DLG2: variants seen among roughly 807,000 people sequenced by gnomAD.
DLG2 encodes the protein discs large MAGUK scaffold protein 2.
A neutral mutation model predicts 132.5 loss-of-function variants in DLG2; 45 were observed. That is an observed-to-expected ratio of 0.34 (90% confidence interval 0.27 to 0.44). DLG2 has a LOEUF of 0.44. DLG2 is among the 20% of genes least tolerant of loss of function. The probability of loss-of-function intolerance (pLI) is 1.00; values close to 1 mark genes in which losing one functional copy is unlikely to be tolerated. For synonymous variants in DLG2, 424 were observed against 419.6 expected (o/e 1.01, Z -0.13); for missense variants, 1,045 against 1,196.9 (o/e 0.87, Z 1.87).
At chr11:83,614,107 T>C (rs999928344) in intron 19 of DLG2, among the ~76,000 whole-genome samples, 9 of 152,246 alleles carry the variant, frequency 5.9e-5, no homozygotes, top group African/African-American at 1.4e-4. Context: ...AGTGGCTCCC[T>C]GCTCTTGATC....
At chr11:84,280,538 G>T (rs1453125660) in intron 7 of DLG2, among the ~76,000 whole-genome samples, 1 of 151,212 alleles carries the variant, frequency 6.6e-6, no homozygotes, top group Non-Finnish European at 1.5e-5. Context: ...CAAAGTGCTG[G>T]GATTATATAA....
At position 85,429,045 on chromosome 11, in the gene DLG2, C is replaced by A. The variant is rs149078854; in HGVS notation, c.41-143680G>T. Reference sequence around the variant, plus strand: ...AAATCTAGAAGAAATGGCTAAATTCCTCAACACATACACCCTCCCAAGACT... The same window carrying A: ...AAATCTAGAAGAAATGGCTAAATTCATCAACACATACACCCTCCCAAGACT... On this transcript the variant is annotated intron_variant, in intron 3 of 27. Coordinates refer to ENST00000376104, the MANE Select transcript of DLG2 (RefSeq NM_001142699.3). 5.3e-3 allele frequency among the ~76,000 whole-genome samples: 813 copies of A among 152,234 alleles called. 3 individuals carry two copies. The highest frequency in any genetic ancestry group is 8.2e-3 in the Non-Finnish European group (557 of 68,006).
At chr11:84,514,063 G>A (rs2099265050) in intron 7 of DLG2, among the ~76,000 whole-genome samples, 3 of 152,026 alleles carry the variant, frequency 2.0e-5, no homozygotes, top group Admixed American at 1.3e-4. Context: ...AAGAAGCCAT[G>A]CACATGACAA....
At chr11:83,647,871 A>G (rs1159420694) in intron 18 of DLG2, 1 of 152,168 alleles carries the variant, frequency 6.6e-6, no homozygotes, top group East Asian at 1.9e-4. Flanking sequence ...TCTTGCCATC[A>G]GTCTATTTGA....
intron 17 of DLG2, among the ~76,000 whole-genome samples, chr11:83,812,681 C>A (rs542031785): frequency 1.3e-5 from 2 of 152,288 alleles, no homozygotes; most frequent in East Asian, 3.9e-4. Context: ...TTGCCTGTTT[C>A]CTAACATTCA....
chr11:83,477,997 C>A (rs1348800704), intron 22 of DLG2, among the ~76,000 whole-genome samples: 1 of 152,084 alleles, frequency 6.6e-6, no homozygotes, highest in Non-Finnish European at 1.5e-5. Context: ...ACCTCTTATG[C>A]TCCCACTATT....
At chr11:84,178,848 C>T (rs934461478) in intron 8 of DLG2, among the ~76,000 whole-genome samples, 4 of 151,920 alleles carry the variant, frequency 2.6e-5, no homozygotes, top group African/African-American at 9.7e-5. Flanking sequence ...TTTAAACCAA[C>T]ATTTAAAAAC....
At chr11:83,466,656 A>C (rs1367345745) in intron 26 of DLG2, 52 bp downstream of exon 26, 1 of 1,014,888 alleles carries the variant, frequency 9.9e-7, no homozygotes, top group East Asian at 2.4e-5. Context: ...TTTTCAGTAT[A>C]ATACAGAACA....
At chr11:83,480,549 GAA>G in intron 22 of DLG2, 1 of 1,535,782 alleles carries the variant, frequency 6.5e-7, no homozygotes, top group South Asian at 1.2e-5. Flanking sequence ...GCTGCATTAA[GAA>G]AACTCAGATA....
At chr11:85,507,613 AC>A (rs986486318) in intron 3 of DLG2, among the ~76,000 whole-genome samples, 3 of 151,922 alleles carry the variant, frequency 2.0e-5, no homozygotes, top group African/African-American at 4.8e-5. Context: ...TTTTTGGGTA[AC>A]CCGACTTCTC....
At chr11:85,097,985 G>A (rs2070176580) in intron 6 of DLG2, among the ~76,000 whole-genome samples, 1 of 152,188 alleles carries the variant, frequency 6.6e-6, no homozygotes, top group South Asian at 2.1e-4. Context: ...TGAAAGGAAA[G>A]CCATTCTTTA....
chr11:85,147,486 A>G (rs956675115), intron 5 of DLG2, among the ~76,000 whole-genome samples: 13 of 152,220 alleles, frequency 8.5e-5, no homozygotes, highest in African/African-American at 3.1e-4. Context: ...TTAATTAGTT[A>G]TTTGTTCCAC....
At chr11:84,771,029 T>G (rs1252412975) in intron 6 of DLG2, among the ~76,000 whole-genome samples, 1 of 152,186 alleles carries the variant, frequency 6.6e-6, no homozygotes, top group Non-Finnish European at 1.5e-5. Context: ...CAACTATTTA[T>G]GGGCACCTGG....
intron 16 of DLG2, among the ~76,000 whole-genome samples, chr11:83,838,961 C>A (rs1371079654): frequency 6.6e-6 from 1 of 152,166 alleles, no homozygotes; most frequent in Non-Finnish European, 1.5e-5. Context: ...ATTATTCTTA[C>A]ATGTTTAATA....
intron 6 of DLG2, among the ~76,000 whole-genome samples, chr11:84,648,412 A>G (rs1037699947): frequency 1.3e-5 from 2 of 152,182 alleles, no homozygotes; most frequent in Non-Finnish European, 1.5e-5. Context: ...ATGCAAGTAG[A>G]TAAAATTTGT....
At chr11:84,067,232 G>T (rs979982409) in intron 10 of DLG2, among the ~76,000 whole-genome samples, 1 of 151,990 alleles carries the variant, frequency 6.6e-6, no homozygotes. Context: ...TACTTGGGAG[G>T]CTGAGGCAGG....
intron 6 of DLG2, among the ~76,000 whole-genome samples, chr11:84,660,003 A>G (rs2099692774): frequency 6.6e-6 from 1 of 152,104 alleles, no homozygotes; most frequent in Non-Finnish European, 1.5e-5. Flanking sequence ...GATGTCTGAC[A>G]ACATGCACAA....
intron 4 of DLG2, among the ~76,000 whole-genome samples, chr11:85,270,539 C>G (rs775839986): frequency 2.6e-5 from 4 of 152,118 alleles, no homozygotes; most frequent in Non-Finnish European, 5.9e-5. Flanking sequence ...AACTGGGTAA[C>G]AGGCAGAGGT....
intron 6 of DLG2, among the ~76,000 whole-genome samples, chr11:84,729,342 T>C (rs1465045738): frequency 6.6e-6 from 1 of 152,080 alleles, no homozygotes; most frequent in Non-Finnish European, 1.5e-5. Context: ...ATTTACCCAG[T>C]AGTCATTAAG....
Sources: allele counts gnomAD v4.1 joint callset (sites outside exome capture counted in the v4.1 genomes callset), GRCh38; gene constraint gnomAD v4.1.1; transcripts MANE v1.5; gene names NCBI Gene and HGNC (gene_info 2026-07-23, HGNC 2026-07-21).